WAC: variants seen among roughly 807,000 people sequenced by gnomAD.
WAC encodes the protein WW domain containing adaptor with coiled-coil, also known as WW domain-containing adapter protein with coiled-coil.
A neutral mutation model predicts 79.6 loss-of-function variants in WAC; 11 were observed. That is an observed-to-expected ratio of 0.14 (90% CI 0.09 to 0.23). WAC has a LOEUF of 0.23. Among genes scored for constraint, WAC ranks in the 10% least tolerant of loss-of-function variants. The probability of loss-of-function intolerance (pLI) is 1.00; values close to 1 mark genes in which losing one functional copy is unlikely to be tolerated. For synonymous variants in WAC, 304 were observed against 276.9 expected (o/e 1.10, Z -0.97); for missense variants, 728 against 773.5 (o/e 0.94, Z 0.70).
rs1284520340 is a variant in WAC at position 28,622,910 on chromosome 10, A to G, written c.*3304A>G. 3 of 152,198 alleles carry G rather than the reference A, an allele frequency of 2.0e-5. No homozygotes were observed. The highest frequency in any genetic ancestry group is 2.1e-4 in the South Asian group (1 of 4,824). 9.4% of individuals were successfully genotyped at this position (152,198 alleles called of 1,614,324 possible). A position where few individuals can be genotyped will look rare whatever the true frequency, so the allele number is the denominator to read the frequency against. ...TACTGTATTTAGATGTTGGGTTTGA[A>G]TATACAGATTTCTTTTCAATACCTG... On this transcript the variant is annotated 3_prime_UTR_variant, in exon 14 of 14. Transcript: ENST00000354911.
At chr10:28,578,652 C>G in intron 3 of WAC, among the ~76,000 whole-genome samples, 1 of 152,044 alleles carries the variant, frequency 6.6e-6, no homozygotes, top group Admixed American at 6.6e-5. Flanking sequence ...CCATTTCTCG[C>G]TGAGTCAGGT....
intron 7 of WAC, among the ~76,000 whole-genome samples, chr10:28,603,949 ATATGTATGT>A (rs1473040216): frequency 1.2e-4 from 4 of 33,118 alleles, no homozygotes; most frequent in East Asian, 7.8e-4. Context: ...AAAAATATAT[ATATGTATGT>A]ATGTATATAT....
At chr10:28,617,614 T>G in intron 12 of WAC, 43 bp from the exon 13 acceptor site, 1 of 1,500,180 alleles carries the variant, frequency 6.7e-7, no homozygotes, top group Non-Finnish European at 8.9e-7. Context: ...TTTGTGTATG[T>G]TAATGTTTAT....
chr10:28,580,939 A>T (rs1466744876), intron 3 of WAC, among the ~76,000 whole-genome samples: 6 of 152,186 alleles, frequency 3.9e-5, no homozygotes, highest in Non-Finnish European at 8.8e-5. Flanking sequence ...AGGTGCAAAG[A>T]GAAAAGGCAC....
intron 1 of WAC, 77 bp from the exon 2 acceptor site, chr10:28,533,921 G>A: frequency 6.4e-7 from 1 of 1,556,186 alleles, no homozygotes; most frequent in Non-Finnish European, 8.8e-7. Context: ...AGGGGCGGCG[G>A]GGGCCCCGTT....
rs573075467 is a variant in WAC, at chr10:28,534,244, G to A, written c.78+210G>A. The A allele has an allele frequency of 1.6e-5, 7 of 451,386 alleles. No homozygotes were observed. The South Asian group carries it at 2.0e-4, about 13-fold the overall frequency. 28.0% of individuals were successfully genotyped at this position (451,386 alleles called of 1,614,324 possible). A position where few individuals can be genotyped will look rare whatever the true frequency, so the allele number is the denominator to read the frequency against. ...GACTTATTTTGACAGGTGACTGGAG[G>A]GAGTTCGCTGATTTAGGAAAAAAGA... On this transcript the variant is annotated intron_variant, in intron 2 of 13. Coordinates refer to ENST00000354911, the MANE Select transcript of WAC (RefSeq NM_016628.5).
rs926649523 is a variant in WAC, at chr10:28,533,335, C to A, written c.-245C>A. On this transcript the variant is annotated 5_prime_UTR_variant, in exon 1 of 14. Transcript: ENST00000354911. ...ACGCGTCGTCTTGCCCCCCTCCCCC[C>A]GGTTCGCGGTGCCGCCGTGTAGTTG... 77 of 154,426 alleles carry A rather than the reference C, an allele frequency of 5.0e-4. No individual in the cohort carries two copies. In the Middle Eastern group the frequency reaches 0.01, roughly 20 times the overall value. The allele number at this position is 154,426 out of a possible 1,614,324, so 9.6% of individuals were successfully genotyped here. A position where few individuals can be genotyped will look rare whatever the true frequency, so the allele number is the denominator to read the frequency against.
At chr10:28,569,401 C>G (rs1322745167) in intron 3 of WAC, among the ~76,000 whole-genome samples, 1 of 152,140 alleles carries the variant, frequency 6.6e-6, no homozygotes, top group African/African-American at 2.4e-5. Flanking sequence ...ATCAACTGCT[C>G]TCTTTTGATA....
intron 7 of WAC, among the ~76,000 whole-genome samples, chr10:28,601,800 C>T (rs982437394): frequency 6.6e-6 from 1 of 152,098 alleles, no homozygotes; most frequent in Non-Finnish European, 1.5e-5. Flanking sequence ...GAGCAGGACA[C>T]ATATTTTATG....
At chr10:28,542,363 G>C (rs1837101349) in intron 3 of WAC, among the ~76,000 whole-genome samples, 1 of 152,164 alleles carries the variant, frequency 6.6e-6, no homozygotes, top group Admixed American at 6.5e-5. Context: ...ATTTCTGAAA[G>C]TCACGGTGCT....
chr10:28,552,823 A>G (rs7095536), intron 3 of WAC, among the ~76,000 whole-genome samples: 3,147 of 69,742 alleles, frequency 0.045, 135 homozygotes, highest in African/African-American at 0.16. Flanking sequence ...GTGTTTTGAC[A>G]GTGAGCAAAT....
intron 9 of WAC, 120 bp from the exon 10 acceptor site, chr10:28,611,654 A>C: frequency 7.7e-7 from 1 of 1,306,630 alleles, no homozygotes; most frequent in Non-Finnish European, 1.0e-6. Flanking sequence ...TTCTCTGGGT[A>C]ATATGGGGGT....
At chr10:28,535,213 T>C (rs1195029234) in intron 2 of WAC, 1 of 164,516 alleles carries the variant, frequency 6.1e-6, no homozygotes, top group African/African-American at 2.4e-5. Context: ...AAATTGATTA[T>C]AGTAGTACTG....
chr10:28,590,943 A>G, intron 6 of WAC, 111 bp downstream of exon 6: 1 of 894,886 alleles, frequency 1.1e-6, no homozygotes, highest in Non-Finnish European at 1.7e-6. Context: ...ATAGAAACAT[A>G]CGGAGATTCT....
chr10:28,596,176 A>T, intron 7 of WAC, 135 bp downstream of exon 7: 1 of 949,374 alleles, frequency 1.1e-6, no homozygotes, highest in Non-Finnish European at 1.5e-6. Flanking sequence ...GTTTCTGTGT[A>T]GAGTTAGGTG....
chr10:28,536,615 A>G (rs1836691878), intron 3 of WAC, among the ~76,000 whole-genome samples: 1 of 152,178 alleles, frequency 6.6e-6, no homozygotes, highest in Non-Finnish European at 1.5e-5. Flanking sequence ...GGTTCATTGA[A>G]ATATTCTTTT....
intron 4 of WAC, among the ~76,000 whole-genome samples, chr10:28,585,346 C>G (rs1015242021): frequency 1.1e-4 from 17 of 152,060 alleles, no homozygotes; most frequent in Non-Finnish European, 2.1e-4. Context: ...CTGCTCCTTT[C>G]TCCTGCCTTT....
intron 3 of WAC, among the ~76,000 whole-genome samples, chr10:28,550,644 G>A (rs1175553698): frequency 6.6e-6 from 1 of 152,082 alleles, no homozygotes; most frequent in Admixed American, 6.5e-5. Context: ...AATCTTCAGA[G>A]AACTGATGTC....
intron 3 of WAC, among the ~76,000 whole-genome samples, chr10:28,567,913 C>G (rs1203694514): frequency 6.6e-6 from 1 of 152,086 alleles, no homozygotes; most frequent in Non-Finnish European, 1.5e-5. Flanking sequence ...TACCACCACA[C>G]CGTTGTAGAG....
Sources: allele counts gnomAD v4.1 joint callset (sites outside exome capture counted in the v4.1 genomes callset), GRCh38; gene constraint gnomAD v4.1.1; transcripts MANE v1.5; gene names NCBI Gene and HGNC (gene_info 2026-07-23, HGNC 2026-07-21).